The following HPCAL1 variants were observed in gnomAD, a reference collection of about 807,000 sequenced individuals.
The protein encoded by HPCAL1 is hippocalcin like 1, also known as hippocalcin-like protein 1.
Under a neutral mutation model 17.1 loss-of-function variants are expected in HPCAL1, and 8 were observed. The ratio of observed to expected loss-of-function variants is 0.47; its 90% CI spans 0.27 to 0.84. The LOEUF (loss-of-function observed/expected upper bound fraction) is 0.84. HPCAL1 is among the 40% of genes least tolerant of loss of function. The probability of loss-of-function intolerance (pLI) is 0.13; values close to 1 mark genes in which losing one functional copy is unlikely to be tolerated. For synonymous variants in HPCAL1, 112 were observed against 111.4 expected (o/e 1.01, Z -0.03); for missense variants, 165 against 271.1 (o/e 0.61, Z 2.75).
chr2:10,312,316 TCA>T (rs1663026385), intron 1 of HPCAL1, among the ~76,000 whole-genome samples: 1 of 13,868 alleles, frequency 7.2e-5, no homozygotes, highest in East Asian at 7.4e-3. Flanking sequence ...ATCATCATCA[TCA>T]TCATATCATC....
At chr2:10,399,138 G>T (rs1317208687) in intron 2 of HPCAL1, among the ~76,000 whole-genome samples, 2 of 151,048 alleles carry the variant, frequency 1.3e-5, no homozygotes, top group Non-Finnish European at 3.0e-5. Flanking sequence ...AGAGGAGGTG[G>T]TCCGAGGTGT....
In HPCAL1 at chr2:10,348,614, T is replaced by A. The variant is rs200719871; in HGVS notation, c.-111+45437T>A. Among the ~76,000 whole-genome samples, 395 of 137,668 alleles carry A rather than the reference T, an allele frequency of 2.9e-3. 1 individual carries two copies. The highest frequency in any genetic ancestry group is 0.011 in the East Asian group (51 of 4,726). 90.3% of individuals were successfully genotyped at this position (137,668 alleles called of 152,430 possible). A position where few individuals can be genotyped will look rare whatever the true frequency, so the allele number is the denominator to read the frequency against. On this transcript the variant is annotated intron_variant, in intron 1 of 4. Coordinates refer to ENST00000307845, the MANE Select transcript of HPCAL1 (RefSeq NM_002149.4). ...TCCTGTCTCTACAAAAAAAAAAAAA[T>A]ATATATATATATAAATTAGCCAGGC...
chr2:10,415,103 C>T (rs1670579488), intron 2 of HPCAL1, among the ~76,000 whole-genome samples: 1 of 152,208 alleles, frequency 6.6e-6, no homozygotes, highest in Admixed American at 6.5e-5. Context: ...CAGCTTGAGT[C>T]TCAGTGCTCT....
intron 1 of HPCAL1, among the ~76,000 whole-genome samples, chr2:10,315,450 C>A (rs1663257432): frequency 6.6e-6 from 1 of 152,118 alleles, no homozygotes; most frequent in Admixed American, 6.6e-5. Flanking sequence ...TGTTTTGCCA[C>A]ATTCTAAATT....
chr2:10,370,510 GGGCTGGCTGAGGGCC>G (rs894375109), intron 1 of HPCAL1, among the ~76,000 whole-genome samples: 1 of 152,224 alleles, frequency 6.6e-6, no homozygotes, highest in African/African-American at 2.4e-5. Flanking sequence ...AGCAGAGGAG[GGGCTGGCTGAGGGCC>G]AGCCACTTTG....
At chr2:10,400,102 C>A (rs4668681) in intron 2 of HPCAL1, among the ~76,000 whole-genome samples, 17,387 of 152,198 alleles carry the variant, frequency 0.11, 1,367 homozygotes, top group East Asian at 0.35. Flanking sequence ...TGACCAAAGG[C>A]CTGCAGGAGG....
At chr2:10,412,017 A>AT (rs1670392904) in intron 2 of HPCAL1, among the ~76,000 whole-genome samples, 1 of 152,190 alleles carries the variant, frequency 6.6e-6, no homozygotes, top group Non-Finnish European at 1.5e-5. Flanking sequence ...GTCGCAGTAC[A>AT]GGGTTCCATG....
In HPCAL1 at chr2:10,330,716, C is replaced by T. The variant is rs541715086; in HGVS notation, c.-111+27539C>T. ...TCTTCAAAGTCCCTGTGTCCAAATA[C>T]AGTCACATCTGGAGGTAGTAAGGAT... On this transcript the variant is annotated intron_variant, in intron 1 of 4. Coordinates refer to ENST00000307845, the MANE Select transcript of HPCAL1 (RefSeq NM_002149.4). The surrounding 1 kb of genome is among the most constrained non-coding windows in gnomAD (Gnocchi z 4.2). Among the ~76,000 whole-genome samples the T allele has an allele frequency of 1.3e-5, 2 of 152,234 alleles. No individual in the cohort carries two copies. The highest frequency in any genetic ancestry group is 4.8e-5 in the African/African-American group (2 of 41,462).
At position 10,309,293 on chromosome 2, in the gene HPCAL1, C is replaced by T. The variant is rs561204367; in HGVS notation, c.-111+6116C>T. On this transcript the variant is annotated intron_variant, in intron 1 of 4. Transcript: ENST00000307845. Reference sequence around the variant, plus strand: ...AAATAATCCTCCAGCCTTGGCCTCTCAAAGTGCTGGAATTATAAGTGTGAA... The same window carrying T: ...AAATAATCCTCCAGCCTTGGCCTCTTAAAGTGCTGGAATTATAAGTGTGAA... 2.0e-5 allele frequency among the ~76,000 whole-genome samples: 3 copies of T among 152,266 alleles called. No homozygotes were observed. In the South Asian group the frequency reaches 6.2e-4, roughly 32 times the overall value.
At chr2:10,322,508 C>T (rs1663727970) in intron 1 of HPCAL1, among the ~76,000 whole-genome samples, 1 of 152,226 alleles carries the variant, frequency 6.6e-6, no homozygotes, top group Non-Finnish European at 1.5e-5. Context: ...CACCAGCTGC[C>T]TCCCAACCAG....
chr2:10,386,541 AG>A, intron 1 of HPCAL1, among the ~76,000 whole-genome samples: 1 of 151,878 alleles, frequency 6.6e-6, no homozygotes, highest in East Asian at 1.9e-4. Flanking sequence ...GGGCCCTGGG[AG>A]GGGGTGAGGT....
intron 1 of HPCAL1, among the ~76,000 whole-genome samples, chr2:10,348,385 G>A (rs1665601452): frequency 6.6e-6 from 1 of 152,116 alleles, no homozygotes; most frequent in Non-Finnish European, 1.5e-5. Flanking sequence ...AGAGGCGGAG[G>A]TTGCAGTGAG....
At chr2:10,326,089 A>G (rs1663995735) in intron 1 of HPCAL1, among the ~76,000 whole-genome samples, 1 of 152,198 alleles carries the variant, frequency 6.6e-6, no homozygotes, top group Non-Finnish European at 1.5e-5. Context: ...CCTGTCCGTC[A>G]TCCTCTCTGG....
chr2:10,352,127 T>A (rs1665881644), intron 1 of HPCAL1, among the ~76,000 whole-genome samples: 1 of 152,100 alleles, frequency 6.6e-6, no homozygotes, highest in Admixed American at 6.5e-5. Context: ...GGTCGCAAAC[T>A]CCTGACCTCA....
At chr2:10,345,833 G>A (rs1210200802) in intron 1 of HPCAL1, among the ~76,000 whole-genome samples, 1 of 152,162 alleles carries the variant, frequency 6.6e-6, no homozygotes, top group Non-Finnish European at 1.5e-5. Context: ...CTGTAAAATA[G>A]AAAATATAAA....
chr2:10,303,516 G>A (rs530247029), intron 1 of HPCAL1, among the ~76,000 whole-genome samples: 1 of 152,176 alleles, frequency 6.6e-6, no homozygotes, highest in African/African-American at 2.4e-5. Flanking sequence ...CGCAGAGCGG[G>A]GTGGCGGGGT....
chr2:10,370,834 T>A (rs1667160265), intron 1 of HPCAL1, among the ~76,000 whole-genome samples: 1 of 152,198 alleles, frequency 6.6e-6, no homozygotes, highest in Non-Finnish European at 1.5e-5. Context: ...ATTCCAACTT[T>A]TCTACCAGGT....
intron 1 of HPCAL1, among the ~76,000 whole-genome samples, chr2:10,349,134 G>A (rs181535067): frequency 2.6e-5 from 4 of 152,232 alleles, no homozygotes; most frequent in South Asian, 2.1e-4. Flanking sequence ...GCAGTGCAGC[G>A]TTTCCAAATT....
chr2:10,311,812 T>C (rs958925919), intron 1 of HPCAL1, among the ~76,000 whole-genome samples: 7 of 152,106 alleles, frequency 4.6e-5, no homozygotes, highest in Admixed American at 4.6e-4. Flanking sequence ...TCATTATCAC[T>C]GACATCATCA....
Sources: gnomAD v4.1 joint callset for allele counts (sites outside exome capture counted in the v4.1 genomes callset) on GRCh38, gnomAD v4.1.1 for gene constraint, Gnocchi (gnomAD v3.1) non-coding constraint, MANE v1.5 for transcripts, NCBI Gene and HGNC (gene_info 2026-07-23, HGNC 2026-07-21) for gene names.